RAP1A: variants seen among roughly 807,000 people sequenced by gnomAD.
RAP1A encodes the protein ras-related protein Rap-1A.
RAP1A carries 6 observed loss-of-function variants against 26.4 expected under a neutral mutation model. The observed-to-expected ratio is 0.23, with a 90% CI of 0.12 to 0.45. The LOEUF (loss-of-function observed/expected upper bound fraction) is 0.45, where lower values mean the gene tolerates loss of function less well. Ranked by LOEUF, RAP1A falls within the 20% of genes least tolerant of loss-of-function variation. The pLI, the probability that RAP1A is intolerant of heterozygous loss-of-function variation, is 0.99. For synonymous variants in RAP1A, 73 were observed against 79.4 expected (o/e 0.92, Z 0.43); for missense variants, 121 against 217.2 (o/e 0.56, Z 2.78).
chr1:111,550,564 A>G (rs2101035059), intron 1 of RAP1A, among the ~76,000 whole-genome samples: 1 of 152,204 alleles, frequency 6.6e-6, no homozygotes, highest in Non-Finnish European at 1.5e-5. Context: ...AATATTTTCT[A>G]ATGTCTCTTG....
At chr1:111,675,740 T>C (rs570663986) in intron 1 of RAP1A, among the ~76,000 whole-genome samples, 4 of 152,226 alleles carry the variant, frequency 2.6e-5, no homozygotes, top group African/African-American at 4.8e-5. Context: ...TATAGTGTCC[T>C]CACTATGTAT....
At chr1:111,574,250 G>A (rs537497481) in intron 1 of RAP1A, among the ~76,000 whole-genome samples, 176 of 152,168 alleles carry the variant, frequency 1.2e-3, no homozygotes, top group Non-Finnish European at 1.5e-3. Flanking sequence ...CAGCTTTGTC[G>A]AAGATCAGAT....
chr1:111,565,522 C>T (rs1311606300), intron 1 of RAP1A, among the ~76,000 whole-genome samples: 1 of 152,182 alleles, frequency 6.6e-6, no homozygotes, highest in East Asian at 1.9e-4. Flanking sequence ...AGGGCACCTA[C>T]TGCAGATGGG....
Position 111,712,587 on chromosome 1 carries a change from CTGTGTA to C in RAP1A, c.*188_*193del, listed in dbSNP as rs1164160634. ...AAGTTCCCTGGAGAAAAAAATTGCT[CTGTGTA>C]TATCTCTTGGAAAATAAGACAATAG... On this transcript the variant is annotated 3_prime_UTR_variant, in exon 8 of 8. Transcript: ENST00000369709. 6.6e-6 allele frequency: 1 copy of C among 152,446 alleles called. No individual in the cohort carries two copies. Among genetic ancestry groups the C allele is most frequent in the Non-Finnish European group, 1.5e-5 (1 of 67,916 alleles). 9.4% of individuals were successfully genotyped at this position (152,446 alleles called of 1,614,324 possible). A position where few individuals can be genotyped will look rare whatever the true frequency, so the allele number is the denominator to read the frequency against.
intron 1 of RAP1A, among the ~76,000 whole-genome samples, chr1:111,646,575 C>G (rs576856689): frequency 6.6e-6 from 1 of 152,100 alleles, no homozygotes; most frequent in South Asian, 2.1e-4. Context: ...GAGTCTCACT[C>G]TGTCCCCTAG....
At chr1:111,658,591 T>C (rs1660537766) in intron 1 of RAP1A, among the ~76,000 whole-genome samples, 2 of 152,158 alleles carry the variant, frequency 1.3e-5, no homozygotes, top group Admixed American at 1.3e-4. Flanking sequence ...CATATTCACC[T>C]AGGCCTACAC....
At chr1:111,647,680 G>A (rs1335991556) in intron 1 of RAP1A, among the ~76,000 whole-genome samples, 3 of 151,132 alleles carry the variant, frequency 2.0e-5, no homozygotes, top group African/African-American at 7.3e-5. Flanking sequence ...TCTTGCTACT[G>A]TAAGGTTTCT....
chr1:111,547,242 C>T (rs1469504105), intron 1 of RAP1A, among the ~76,000 whole-genome samples: 1 of 151,792 alleles, frequency 6.6e-6, no homozygotes, highest in African/African-American at 2.4e-5. Context: ...TCAAAGATGA[C>T]CTTTATGAGA....
intron 1 of RAP1A, among the ~76,000 whole-genome samples, chr1:111,631,237 A>G (rs908557614): frequency 2.6e-5 from 4 of 152,190 alleles, no homozygotes; most frequent in African/African-American, 9.6e-5. Flanking sequence ...GTCTTTGGCA[A>G]TTTGAGAATT....
chr1:111,682,127 T>C (rs1042249468), intron 1 of RAP1A, among the ~76,000 whole-genome samples: 1 of 152,118 alleles, frequency 6.6e-6, no homozygotes, highest in Non-Finnish European at 1.5e-5. Context: ...TAAAATCCTT[T>C]ACAGACAAGC....
intron 1 of RAP1A, chr1:111,648,809 C>A (rs899298810): frequency 5.9e-6 from 4 of 675,948 alleles, no homozygotes; most frequent in Middle Eastern, 4.1e-4. Context: ...TTCAAGCCAG[C>A]TCATTGTATT....
chr1:111,695,984 A>G (rs1201260263), intron 3 of RAP1A, among the ~76,000 whole-genome samples: 1 of 152,196 alleles, frequency 6.6e-6, no homozygotes, highest in African/African-American at 2.4e-5. Flanking sequence ...ACTCTGGTGC[A>G]GGATGTTGAT....
chr1:111,598,795 C>T (rs12123811), intron 1 of RAP1A, among the ~76,000 whole-genome samples: 2,316 of 152,216 alleles, frequency 0.015, 42 homozygotes, highest in Non-Finnish European at 0.018. Context: ...CACTATCTAC[C>T]TGGCGATAGC....
intron 1 of RAP1A, among the ~76,000 whole-genome samples, chr1:111,638,275 A>G (rs1233121507): frequency 4.6e-5 from 7 of 152,142 alleles, no homozygotes; most frequent in Non-Finnish European, 7.4e-5. Context: ...CCATTCTTCT[A>G]CGGAAGGATC....
intron 1 of RAP1A, among the ~76,000 whole-genome samples, chr1:111,657,016 C>T (rs1228686533): frequency 6.6e-6 from 1 of 151,894 alleles, no homozygotes; most frequent in Non-Finnish European, 1.5e-5. Context: ...CCTTCTCCGC[C>T]CCCAACAACC....
intron 1 of RAP1A, among the ~76,000 whole-genome samples, chr1:111,612,825 T>C (rs1350712232): frequency 6.6e-6 from 1 of 152,248 alleles, no homozygotes; most frequent in Non-Finnish European, 1.5e-5. Flanking sequence ...AATAGAATAA[T>C]AGTAATAGAT....
chr1:111,621,096 G>A (rs1466354538), intron 1 of RAP1A, among the ~76,000 whole-genome samples: 3 of 152,196 alleles, frequency 2.0e-5, no homozygotes. Flanking sequence ...CAGGTAGCCA[G>A]CCACTCTTCT....
chr1:111,659,639 A>C (rs1660571973), intron 1 of RAP1A, among the ~76,000 whole-genome samples: 1 of 151,832 alleles, frequency 6.6e-6, no homozygotes, highest in Non-Finnish European at 1.5e-5. Context: ...GGATTAATAT[A>C]TATCTACCAT....
At chr1:111,655,770 T>C (rs993555871) in intron 1 of RAP1A, among the ~76,000 whole-genome samples, 1 of 148,416 alleles carries the variant, frequency 6.7e-6, no homozygotes, top group African/African-American at 2.5e-5. Flanking sequence ...GTCTCCTGGG[T>C]TCACAGCATT....
Sources: gnomAD v4.1 joint callset for allele counts (sites outside exome capture counted in the v4.1 genomes callset) on GRCh38, gnomAD v4.1.1 for gene constraint, MANE v1.5 for transcripts, NCBI Gene and HGNC (gene_info 2026-07-23, HGNC 2026-07-21) for gene names.